Variants in LPP observed in about 807,000 individuals in gnomAD.
The protein encoded by LPP is LIM domain containing preferred translocation partner in lipoma, also known as lipoma-preferred partner.
In LPP, 38 loss-of-function variants were observed where a neutral mutation model predicts 60.4. That is an observed-to-expected ratio of 0.63 (90% CI 0.49 to 0.83). The LOEUF (loss-of-function observed/expected upper bound fraction) is 0.83, where lower values mean the gene tolerates loss of function less well. Ranked by LOEUF, LPP falls within the 40% of genes least tolerant of loss-of-function variation. The pLI is 0.00. For synonymous variants in LPP, 328 were observed against 290.8 expected, an observed-to-expected ratio of 1.13 and a Z score of -1.30; for missense variants, 902 against 783.6, an observed-to-expected ratio of 1.15 and a Z score of -1.80.
intron 6 of LPP, among the ~76,000 whole-genome samples, chr3:188,606,457 G>A (rs1001651909): frequency 6.6e-6 from 1 of 151,918 alleles, no homozygotes; most frequent in African/African-American, 2.4e-5. Context: ...TTTTTGTTTG[G>A]TTGGTTTTTG....
intron 6 of LPP, among the ~76,000 whole-genome samples, chr3:188,591,308 T>C (rs1306714119): frequency 6.6e-6 from 1 of 152,210 alleles, no homozygotes; most frequent in Non-Finnish European, 1.5e-5. Context: ...AATGTAGGCC[T>C]TCAGTGTTAA....
rs181815210 is a variant in LPP at position 188,621,624 on chromosome 3, G to A, written c.1113+11780G>A. Among the ~76,000 whole-genome samples the A allele has an allele frequency of 2.1e-3, 327 of 152,132 alleles. 3 individuals carry two copies. The highest frequency in any genetic ancestry group is 7.7e-3 in the African/African-American group (318 of 41,496). On this transcript the variant is annotated intron_variant, in intron 7 of 11. Transcript: ENST00000617246. ...CATTCACATCCTAGTGCGTGTAACC[G>A]ATAAATTAGTATTCATTTAGATGGA...
At chr3:188,560,784 GTCCT>G in intron 6 of LPP, among the ~76,000 whole-genome samples, 2 of 152,206 alleles carry the variant, frequency 1.3e-5, no homozygotes, top group Middle Eastern at 6.8e-3. Context: ...TACAAAGGCT[GTCCT>G]TCCTTCTTGA....
At chr3:188,856,773 A>C (rs569910213) in intron 9 of LPP, among the ~76,000 whole-genome samples, 1 of 152,280 alleles carries the variant, frequency 6.6e-6, no homozygotes, top group South Asian at 2.1e-4. Flanking sequence ...TAGGTTGCTG[A>C]TAGTAGGAAT....
At chr3:188,380,364 T>C (rs530918263) in intron 3 of LPP, among the ~76,000 whole-genome samples, 1 of 152,394 alleles carries the variant, frequency 6.6e-6, no homozygotes, top group Non-Finnish European at 1.5e-5. Context: ...TTTGTCATAT[T>C]ATGAGAAAGA....
At position 188,617,561 on chromosome 3, in the gene LPP, G is replaced by A. The variant is rs114525640; in HGVS notation, c.1113+7717G>A. ...CACAGCTGCTCCTGTGAAAACACTC[G>A]TTCATGGGCTCTGTGTAATTTTGAC... On this transcript the variant is annotated intron_variant, in intron 7 of 11. Transcript: ENST00000617246. 6.0e-3 allele frequency among the ~76,000 whole-genome samples: 917 copies of A among 152,192 alleles called. 5 individuals are homozygous for A. The highest frequency in any genetic ancestry group is 0.017 in the South Asian group (84 of 4,822).
At chr3:188,250,976 TCCCTCCCCTCCCCTG>T (rs1231717055) in intron 2 of LPP, among the ~76,000 whole-genome samples, 2 of 11,890 alleles carry the variant, frequency 1.7e-4, no homozygotes, top group Admixed American at 2.6e-3. Flanking sequence ...TCCCTTCCCT[TCCCTCCCCTCCCCTG>T]CCCTCCCCCC....
At chr3:188,583,646 C>T (rs1417080467) in intron 6 of LPP, among the ~76,000 whole-genome samples, 2 of 152,142 alleles carry the variant, frequency 1.3e-5, no homozygotes, top group African/African-American at 2.4e-5. Context: ...ACCCGGACCG[C>T]GTTGTTAAAC....
chr3:188,601,976 A>G (rs1183099636), intron 6 of LPP, among the ~76,000 whole-genome samples: 1 of 150,612 alleles, frequency 6.6e-6, no homozygotes, highest in African/African-American at 2.4e-5. Context: ...GCTTTGACAC[A>G]AGAATTCCTT....
intron 2 of LPP, among the ~76,000 whole-genome samples, chr3:188,249,262 T>C (rs2149538010): frequency 6.6e-6 from 1 of 152,152 alleles, no homozygotes; most frequent in African/African-American, 2.4e-5. Flanking sequence ...GCTGGCATGG[T>C]GACTCATGCC....
In LPP at chr3:188,406,279, T is replaced by C; in HGVS notation, c.159T>C (p.Pro53=). 2 of 1,614,128 alleles carry C rather than the reference T, an allele frequency of 1.2e-6. No individual in the cohort carries two copies. The highest frequency in any genetic ancestry group is 8.5e-7 in the Non-Finnish European group (1 of 1,180,002). The change falls in exon 4 of 12, where the codon CCT becomes CCC. Residue 53 remains proline, a synonymous_variant. Coordinates refer to ENST00000617246, the MANE Select transcript of LPP (RefSeq NM_001375462.1). ...TTGCCCCGGTAGTTGCTCCAAAACCTAAGTACAACCCATACAAACAACCTG... is the reference window on the plus strand; with the variant it reads ...TTGCCCCGGTAGTTGCTCCAAAACCCAAGTACAACCCATACAAACAACCTG... ...KKFAPVVAPK[P]KYNPYKQPGG...
chr3:188,230,015 A>C lies in LPP; in HGVS notation c.-67+4488A>C, dbSNP rs961171964. 2.0e-5 allele frequency among the ~76,000 whole-genome samples: 3 copies of C among 152,204 alleles called. No individual in the cohort carries two copies. In the East Asian group the frequency reaches 5.8e-4, roughly 29 times the overall value. On this transcript the variant is annotated intron_variant, in intron 2 of 11. Coordinates refer to ENST00000617246, the MANE Select transcript of LPP (RefSeq NM_001375462.1). ...TTAGGAAACTATGTGAATTAGGCTT[A>C]GTCCCTGACCCTGAGAAGCTTATAG...
At chr3:188,225,807 C>A (rs145446726) in intron 2 of LPP, among the ~76,000 whole-genome samples, 11 of 152,230 alleles carry the variant, frequency 7.2e-5, no homozygotes, top group African/African-American at 2.6e-4. Context: ...TTTGGAGTAA[C>A]GATGATTTCA....
intron 2 of LPP, among the ~76,000 whole-genome samples, chr3:188,283,027 G>GA (rs1480482934): frequency 1.3e-5 from 2 of 152,278 alleles, no homozygotes; most frequent in East Asian, 3.9e-4. Context: ...CAGGGAACTA[G>GA]AAGGGCCCCT....
chr3:188,540,037 T>C (rs1454017189), intron 6 of LPP, among the ~76,000 whole-genome samples: 1 of 152,196 alleles, frequency 6.6e-6, no homozygotes, highest in Non-Finnish European at 1.5e-5. Flanking sequence ...CACAATTTGC[T>C]GTGATACCTG....
Position 188,213,479 on chromosome 3 carries a change from C to G in LPP, c.-189-11926C>G, listed in dbSNP as rs375849806. Among the ~76,000 whole-genome samples, 15 of 152,174 alleles carry G rather than the reference C, an allele frequency of 9.9e-5. No individual in the cohort carries two copies. In the East Asian group the frequency reaches 2.9e-3, roughly 29 times the overall value. ...TCCTTCCCCTAGACTTAAGCTGCCCCCTCTATTGCGAGATGAGGAAATTGG... is the reference window on the plus strand; with the variant it reads ...TCCTTCCCCTAGACTTAAGCTGCCCGCTCTATTGCGAGATGAGGAAATTGG... On this transcript the variant is annotated intron_variant, in intron 1 of 11. Transcript: ENST00000617246.
chr3:188,294,826 G>A (rs1303442089), intron 2 of LPP, among the ~76,000 whole-genome samples: 1 of 152,196 alleles, frequency 6.6e-6, no homozygotes, highest in Admixed American at 6.5e-5. Context: ...GAGACCTGCA[G>A]CTTTGATAAT....
intron 3 of LPP, among the ~76,000 whole-genome samples, chr3:188,362,618 A>G (rs139556600): frequency 4.0e-4 from 61 of 152,298 alleles, no homozygotes; most frequent in African/African-American, 1.4e-3. Context: ...ACGTGTTTAC[A>G]ATATGAACAC....
At chr3:188,735,398 T>C (rs1722132526) in intron 8 of LPP, among the ~76,000 whole-genome samples, 2 of 151,964 alleles carry the variant, frequency 1.3e-5, no homozygotes, top group Non-Finnish European at 2.9e-5. Context: ...TATTATTTTT[T>C]GAGACGAAGT....
Sources: gnomAD v4.1 joint callset for allele counts (sites outside exome capture counted in the v4.1 genomes callset) on GRCh38, gnomAD v4.1.1 for gene constraint, MANE v1.5 for transcripts, NCBI Gene and HGNC (gene_info 2026-07-23, HGNC 2026-07-21) for gene names.